Variants in ZNF385A observed in about 807,000 individuals in gnomAD.
ZNF385A encodes the protein hematopoietic zinc finger protein.
Under a neutral mutation model 32.1 loss-of-function variants are expected in ZNF385A, and 14 were observed. That is an observed-to-expected ratio of 0.44 (90% CI 0.29 to 0.68). ZNF385A has a LOEUF of 0.68. ZNF385A is among the 30% of genes least tolerant of loss of function. The pLI, the probability that ZNF385A is intolerant of heterozygous loss-of-function variation, is 0.14. For synonymous variants in ZNF385A, 197 were observed against 202.7 expected (o/e 0.97, Z 0.24); for missense variants, 406 against 478.4 (o/e 0.85, Z 1.41).
upstream of ZNF385A, among the ~76,000 whole-genome samples, chr12:54,386,173 GACACACAC>G (rs57780822): frequency 4.3e-5 from 6 of 138,124 alleles, no homozygotes; most frequent in South Asian, 2.5e-4. Context: ...GTGGAGAGAG[GACACACAC>G]ACACACACAC....
At chr12:54,379,368 G>C (rs1300839114) in intron 1 of ZNF385A, among the ~76,000 whole-genome samples, 1 of 152,034 alleles carries the variant, frequency 6.6e-6, no homozygotes, top group Non-Finnish European at 1.5e-5. Flanking sequence ...ACACTCCTAG[G>C]AAAGAGCTTG....
intron 1 of ZNF385A, among the ~76,000 whole-genome samples, chr12:54,378,203 C>G (rs1184573869): frequency 3.3e-5 from 5 of 152,170 alleles, no homozygotes; most frequent in Non-Finnish European, 4.4e-5. Flanking sequence ...AGTGAGGACT[C>G]CTGGGCCCAA....
intron 1 of ZNF385A, among the ~76,000 whole-genome samples, chr12:54,389,930 A>T (rs775034776): frequency 5.3e-5 from 8 of 152,116 alleles, no homozygotes; most frequent in Admixed American, 2.0e-4. Flanking sequence ...AGGGGGTGAG[A>T]CATACAGCAG....
intron 3 of ZNF385A, chr12:54,372,760 C>G (rs764794683): frequency 6.5e-6 from 1 of 154,786 alleles, no homozygotes; most frequent in Non-Finnish European, 1.4e-5. Context: ...TTCCCGTGGC[C>G]GGGGACGGTG....
intron 1 of ZNF385A, among the ~76,000 whole-genome samples, chr12:54,390,788 C>G (rs1362190752): frequency 6.6e-6 from 1 of 151,968 alleles, no homozygotes. Context: ...CCACTTCCTC[C>G]TTTCCCCCTT....
chr12:54,385,637 C>T, upstream of ZNF385A: 1 of 985,490 alleles, frequency 1.0e-6, no homozygotes, highest in Non-Finnish European at 1.2e-6. Flanking sequence ...TCCAGGATCC[C>T]TTCCTGTTCC....
chr12:54,379,864 A>G (rs1024618977), intron 1 of ZNF385A, among the ~76,000 whole-genome samples: 2 of 152,234 alleles, frequency 1.3e-5, no homozygotes. Context: ...CAGTGGGGGC[A>G]GCACTGGGGG....
chr12:54,380,446 T>G (rs1404491161), intron 1 of ZNF385A, among the ~76,000 whole-genome samples: 2 of 152,262 alleles, frequency 1.3e-5, no homozygotes, highest in East Asian at 3.8e-4. Flanking sequence ...CTGGGCAGTC[T>G]GACTCCAAAG....
At chr12:54,371,192 G>A in intron 4 of ZNF385A, 96 bp from the exon 5 acceptor site, 1 of 1,371,896 alleles carries the variant, frequency 7.3e-7, no homozygotes, top group South Asian at 1.4e-5. Flanking sequence ...AATATGAGGG[G>A]GAAGAGGGTG....
intron 1 of ZNF385A, among the ~76,000 whole-genome samples, chr12:54,378,388 T>A (rs1592250156): frequency 6.6e-6 from 1 of 151,770 alleles, no homozygotes; most frequent in East Asian, 1.9e-4. Flanking sequence ...CCTCGAAAGG[T>A]CCATAAAACA....
At chr12:54,382,135 T>C (rs1264098169) in intron 1 of ZNF385A, among the ~76,000 whole-genome samples, 2 of 151,550 alleles carry the variant, frequency 1.3e-5, no homozygotes, top group African/African-American at 2.4e-5. Flanking sequence ...TGGCGCAATC[T>C]CGGCTCACTG....
Position 54,370,078 on chromosome 12 carries a change from C to T in ZNF385A, c.*178G>A, listed in dbSNP as rs966907191. The T allele has an allele frequency of 1.2e-5, 6 of 501,588 alleles. No individual in the cohort carries two copies. The Admixed American group carries it at 1.5e-4, about 13-fold the overall frequency. The allele number at this position is 501,588 out of a possible 1,614,324, so 31.1% of individuals were successfully genotyped here. On this transcript the variant is annotated 3_prime_UTR_variant, in exon 7 of 7. Coordinates refer to ENST00000394313, the MANE Select transcript of ZNF385A (RefSeq NM_015481.3). The surrounding 1 kb of genome is among the most constrained non-coding windows in gnomAD (Gnocchi z 5.5). ...CCCTGAGATCTGGGGTGTTCCCCCC[C>T]TTCTGAAGCCCCCCTCCCCCGCTAC... is the stretch of plus-strand genomic sequence containing the variant.
At chr12:54,375,818 G>T in intron 2 of ZNF385A, 26 bp downstream of exon 2, 1 of 1,604,620 alleles carries the variant, frequency 6.2e-7, no homozygotes, top group Non-Finnish European at 8.5e-7. Context: ...CCACCCACTG[G>T]GTAGATGAGC....
chr12:54,376,101 TTC>T, intron 1 of ZNF385A, 147 bp from the exon 2 acceptor site: 3 of 650,300 alleles, frequency 4.6e-6, no homozygotes, highest in East Asian at 2.7e-5. Context: ...AGTCTTCTGA[TTC>T]TCTCTTAGCC....
upstream of ZNF385A, chr12:54,385,746 G>A (rs1053784603): frequency 1.4e-5 from 12 of 862,396 alleles, no homozygotes; most frequent in Admixed American, 6.2e-5. Context: ...GCCTGACAGC[G>A]TCCCCTTCCC....
chr12:54,370,137 T>TGG lies in ZNF385A; in HGVS notation c.*117_*118dup, dbSNP rs3215379. On this transcript the variant is annotated 3_prime_UTR_variant, in exon 7 of 7. Transcript: ENST00000394313. The surrounding 1 kb of genome is among the most constrained non-coding windows in gnomAD (Gnocchi z 5.5). ...TTTCCTGGAACCCCGTATCTCGGGG[T>TGG]GGGGGGGGGGAAGGAGAGATCATTT... 1.7e-4 allele frequency: 77 copies of TGG among 462,002 alleles called. No individual in the cohort carries two copies. Among genetic ancestry groups the TGG allele is most frequent in the African/African-American group, 4.8e-4 (16 of 33,618 alleles). 28.6% of individuals were successfully genotyped at this position (462,002 alleles called of 1,614,324 possible).
At chr12:54,377,499 C>T (rs1263508944) in intron 1 of ZNF385A, among the ~76,000 whole-genome samples, 1 of 152,148 alleles carries the variant, frequency 6.6e-6, no homozygotes, top group Non-Finnish European at 1.5e-5. Context: ...GAATAAGTGT[C>T]ATGTACTGTG....
At chr12:54,376,114 C>T (rs1047374383) in intron 1 of ZNF385A, among the ~76,000 whole-genome samples, 160 bp from the exon 2 acceptor site, 1 of 152,156 alleles carries the variant, frequency 6.6e-6, no homozygotes, top group South Asian at 2.1e-4. Flanking sequence ...TCTCTTAGCC[C>T]AATCTTCATA....
rs1482908883 is a variant in ZNF385A at position 54,370,215 on chromosome 12, C to A, written c.*41G>T. The A allele has an allele frequency of 2.2e-6, 3 of 1,392,530 alleles. No homozygotes were observed. Among genetic ancestry groups the A allele is most frequent in the Non-Finnish European group, 2.8e-6 (3 of 1,065,240 alleles). The allele number at this position is 1,392,530 out of a possible 1,614,324, so 86.3% of individuals were successfully genotyped here. On this transcript the variant is annotated 3_prime_UTR_variant, in exon 7 of 7. Coordinates refer to ENST00000394313, the MANE Select transcript of ZNF385A (RefSeq NM_015481.3). The surrounding 1 kb of genome is among the most constrained non-coding windows in gnomAD (Gnocchi z 5.5). ...GGGAGCCCGGACGCCTGGGTCCCGG[C>A]TGGAGGTGGGGAGTTGAATGGGAGG...
Sources: gnomAD v4.1 joint callset for allele counts (sites outside exome capture counted in the v4.1 genomes callset) on GRCh38, gnomAD v4.1.1 for gene constraint, Gnocchi (gnomAD v3.1) non-coding constraint, MANE v1.5 for transcripts, NCBI Gene and HGNC (gene_info 2026-07-23, HGNC 2026-07-21) for gene names.